The following OTUD4 variants were observed in gnomAD, a reference collection of about 807,000 sequenced individuals.
OTUD4 encodes the protein OTU deubiquitinase 4.
Under a neutral mutation model 130.4 loss-of-function variants are expected in OTUD4, and 24 were observed. The observed-to-expected ratio is 0.18, with a 90% CI of 0.13 to 0.26. The LOEUF (loss-of-function observed/expected upper bound fraction) is 0.26. OTUD4 is among the 10% of genes least tolerant of loss of function. The pLI is 1.00. For synonymous variants in OTUD4, 420 were observed against 472.5 expected, an observed-to-expected ratio of 0.89 and a Z score of 1.44; for missense variants, 1,031 against 1,329.4, an observed-to-expected ratio of 0.78 and a Z score of 3.49.
chr4:145,175,369 G>T (rs1172441966), intron 1 of OTUD4, among the ~76,000 whole-genome samples: 1 of 152,114 alleles, frequency 6.6e-6, no homozygotes, highest in Non-Finnish European at 1.5e-5. Context: ...CATCCCAAGA[G>T]GTTTGGGGTT....
At chr4:145,175,181 G>A (rs1042966338) in intron 1 of OTUD4, among the ~76,000 whole-genome samples, 4 of 152,184 alleles carry the variant, frequency 2.6e-5, no homozygotes, top group Non-Finnish European at 4.4e-5. Flanking sequence ...GCCTGTAAGA[G>A]GCCGATTTAT....
chr4:145,161,850 C>A (rs1751586392), intron 6 of OTUD4, among the ~76,000 whole-genome samples: 1 of 152,172 alleles, frequency 6.6e-6, no homozygotes, highest in African/African-American at 2.4e-5. Flanking sequence ...AAGCTATACA[C>A]TAACAGTTTT....
Position 145,141,596 on chromosome 4 carries a change from C to A in OTUD4, c.1866G>T (p.Leu622Phe). The A allele has an allele frequency of 1.9e-6, 3 of 1,582,498 alleles. No individual in the cohort carries two copies. Among genetic ancestry groups the A allele is most frequent in the South Asian group, 2.3e-5 (2 of 86,202 alleles). Residue 622 changes from leucine to phenylalanine, a missense_variant, in exon 19 of 21, where the codon TTG becomes TTT. By Grantham distance (22) the Leu-to-Phe change is conservative. Transcript: ENST00000447906. ...ATACAGCTGAATCAGGTCCAGTGGT[C>A]AAAGTCTGTGTCACTGACAAAACGG... ...PIPVLSVTQT[L>F]TTGPDSAVSQ... is the part of the protein sequence containing the mutation.
rs1444708793 is a variant in OTUD4, at chr4:145,133,675, A to C, written c.*3755T>G. ...TCAAGAGACAAAATTTAATATATGC[A>C]CACAGTTTTATATATAATGCAGCAT... On this transcript the variant is annotated 3_prime_UTR_variant, in exon 21 of 21. Transcript: ENST00000447906. 6.6e-6 allele frequency: 1 copy of C among 152,622 alleles called. No individual in the cohort carries two copies. The highest frequency in any genetic ancestry group is 6.5e-5 in the Admixed American group (1 of 15,286). The allele number at this position is 152,622 out of a possible 1,614,324, so 9.5% of individuals were successfully genotyped here. A position where few individuals can be genotyped will look rare whatever the true frequency, so the allele number is the denominator to read the frequency against.
At chr4:145,152,947 C>T (rs1256886433) in intron 10 of OTUD4, among the ~76,000 whole-genome samples, 1 of 151,650 alleles carries the variant, frequency 6.6e-6, no homozygotes, top group Non-Finnish European at 1.5e-5. Flanking sequence ...GTTGGCCAGC[C>T]TGGTCTCAAA....
intron 4 of OTUD4, among the ~76,000 whole-genome samples, chr4:145,164,646 C>G (rs991767477): frequency 6.6e-6 from 1 of 152,014 alleles, no homozygotes; most frequent in Non-Finnish European, 1.5e-5. Context: ...TTTTTGAGCA[C>G]CAACATGACA....
At chr4:145,162,426 C>T (rs1176659991) in intron 6 of OTUD4, among the ~76,000 whole-genome samples, 5 of 151,426 alleles carry the variant, frequency 3.3e-5, no homozygotes, top group Non-Finnish European at 4.4e-5. Flanking sequence ...TTGTGGCGGG[C>T]GCCCGTAGTC....
At position 145,138,635 on chromosome 4, in the gene OTUD4, T is replaced by A. The variant is rs150358837; in HGVS notation, c.2140A>T (p.Met714Leu). 1 of 1,611,640 alleles carries A rather than the reference T, an allele frequency of 6.2e-7. No individual in the cohort carries two copies. Among genetic ancestry groups the A allele is most frequent in the Non-Finnish European group, 8.5e-7 (1 of 1,179,056 alleles). ...NLGVKAYSCPMWAPHSYLYPL... is the reference protein window; with the variant it reads ...NLGVKAYSCPLWAPHSYLYPL... Reference sequence around the variant, plus strand: ...TACAGGTAAGAATGTGGGGCCCACATAGGACAACTGTATGCCTGAAGAGAC... The same window carrying A: ...TACAGGTAAGAATGTGGGGCCCACAAAGGACAACTGTATGCCTGAAGAGAC... Residue 714 changes from methionine to leucine, a missense_variant, in exon 21 of 21, where the codon ATG (methionine) becomes TTG (leucine). Transcript: ENST00000447906.
At chr4:145,161,300 C>T (rs1751552327) in intron 6 of OTUD4, among the ~76,000 whole-genome samples, 2 of 152,172 alleles carry the variant, frequency 1.3e-5, no homozygotes, top group South Asian at 2.1e-4. Context: ...AGCTATCTTT[C>T]CCAAAGCTGA....
chr4:145,146,114 A>AAGGAAAAAT, intron 14 of OTUD4, 153 bp downstream of exon 14: 1 of 454,772 alleles, frequency 2.2e-6, no homozygotes. Flanking sequence ...AATATGTGAA[A>AAGGAAAAAT]AGGAAAAATA....
chr4:145,169,125 A>G (rs201521072), intron 3 of OTUD4, among the ~76,000 whole-genome samples: 1 of 152,250 alleles, frequency 6.6e-6, no homozygotes, highest in East Asian at 1.9e-4. Flanking sequence ...GCCAGGTCCC[A>G]GGGGATAGGC....
At chr4:145,154,403 T>C (rs1439283813) in intron 10 of OTUD4, among the ~76,000 whole-genome samples, 3 of 152,190 alleles carry the variant, frequency 2.0e-5, no homozygotes, top group South Asian at 2.1e-4. Flanking sequence ...CATAAACCAA[T>C]TTATCATAAA....
chr4:145,156,870 G>A (rs971488275), intron 7 of OTUD4, among the ~76,000 whole-genome samples: 1 of 152,100 alleles, frequency 6.6e-6, no homozygotes, highest in Non-Finnish European at 1.5e-5. Context: ...GAACTGTGCA[G>A]GTCCACTTAC....
At position 145,164,050 on chromosome 4, in the gene OTUD4, GAAATATTTCAAA is replaced by G. The variant is rs1026356496; in HGVS notation, c.414+92_414+103del. 1.1e-5 allele frequency: 7 copies of G among 624,682 alleles called. No individual in the cohort carries two copies. In the African/African-American group the frequency reaches 1.3e-4, roughly 12 times the overall value. 38.7% of individuals were successfully genotyped at this position (624,682 alleles called of 1,614,324 possible). ...ATCAGAATACCATAACCTTAATACAGAAATATTTCAAAAAATCATTTAAAATTATAGCTTATG... is the reference window on the plus strand; with the variant it reads ...ATCAGAATACCATAACCTTAATACAGAAATCATTTAAAATTATAGCTTATG... On this transcript the variant is annotated intron_variant, in intron 5 of 20. Transcript: ENST00000447906.
At chr4:145,161,658 A>T (rs760064344) in intron 6 of OTUD4, among the ~76,000 whole-genome samples, 1 of 152,200 alleles carries the variant, frequency 6.6e-6, no homozygotes, top group Non-Finnish European at 1.5e-5. Context: ...AAAGGGAGAG[A>T]GAGTGTGTTA....
chr4:145,174,830 G>C lies in OTUD4; in HGVS notation c.160-86C>G, dbSNP rs904321533. 2.4e-5 allele frequency: 17 copies of C among 722,628 alleles called. No individual in the cohort carries two copies. In the African/African-American group the frequency reaches 2.8e-4, roughly 12 times the overall value. 44.8% of individuals were successfully genotyped at this position (722,628 alleles called of 1,614,324 possible). A position where few individuals can be genotyped will look rare whatever the true frequency, so the allele number is the denominator to read the frequency against. ...TCTTCTTTTACACCCAAAATAATCT[G>C]ACAACCAATAGATTATCAGTCTTTC... is the stretch of plus-strand genomic sequence containing the variant. On this transcript the variant is annotated intron_variant, in intron 1 of 20. Transcript: ENST00000447906.
Position 145,134,733 on chromosome 4 carries a change from G to A in OTUD4, c.*2697C>T. 2.5e-6 allele frequency: 1 copy of A among 398,908 alleles called. No individual in the cohort carries two copies. The allele number at this position is 398,908 out of a possible 1,614,324, so 24.7% of individuals were successfully genotyped here. ...AGCATCCTGCTGCCAAGGAGACATG[G>A]GGCAAGAGTTGAAGATTTGAGAGGA... On this transcript the variant is annotated 3_prime_UTR_variant, in exon 21 of 21. Coordinates refer to ENST00000447906, the MANE Select transcript of OTUD4 (RefSeq NM_001366057.1).
chr4:145,164,980 C>T (rs904376503), intron 4 of OTUD4, among the ~76,000 whole-genome samples, 171 bp downstream of exon 4: 2 of 152,030 alleles, frequency 1.3e-5, no homozygotes, highest in Admixed American at 1.3e-4. Context: ...AATTTCTAAA[C>T]ACTGACATAT....
In OTUD4 at chr4:145,143,932, T is replaced by A. The variant is rs1415670542; in HGVS notation, c.1602+14A>T. On this transcript the variant is annotated intron_variant, in intron 16 of 20. Transcript: ENST00000447906. ...GGAAAAAGAAAAGATGCAAGTAGTG[T>A]TTAAAACTTTTACCTCCAATGTGCT... The A allele has an allele frequency of 1.3e-6, 2 of 1,597,968 alleles. No individual in the cohort carries two copies. Among genetic ancestry groups the A allele is most frequent in the Admixed American group, 3.3e-5 (2 of 59,976 alleles).
Sources: allele counts gnomAD v4.1 joint callset (sites outside exome capture counted in the v4.1 genomes callset), GRCh38; gene constraint gnomAD v4.1.1; transcripts MANE v1.5; gene names NCBI Gene and HGNC (gene_info 2026-07-23, HGNC 2026-07-21).